The following IBTK variants were observed in gnomAD, a reference collection of about 807,000 sequenced individuals.
The protein encoded by IBTK is inhibitor of Bruton tyrosine kinase.
Under a neutral mutation model 154.9 loss-of-function variants are expected in IBTK, and 83 were observed. The ratio of observed to expected loss-of-function variants is 0.54; its 90% CI spans 0.45 to 0.64. IBTK has a LOEUF of 0.64. Ranked by LOEUF, IBTK falls within the 30% of genes least tolerant of loss-of-function variation. The probability of loss-of-function intolerance (pLI) is 0.00; values close to 1 mark genes in which losing one functional copy is unlikely to be tolerated. For synonymous variants in IBTK, 515 were observed against 536.1 expected, an observed-to-expected ratio of 0.96 and a Z score of 0.54; for missense variants, 1,332 against 1,584.6, an observed-to-expected ratio of 0.84 and a Z score of 2.71.
chr6:82,183,855 T>A (rs545400200), intron 25 of IBTK, among the ~76,000 whole-genome samples: 148 of 152,326 alleles, frequency 9.7e-4, no homozygotes, highest in Non-Finnish European at 1.8e-3. Context: ...AACTGACTAA[T>A]GCCATTATCA....
chr6:82,223,609 C>A lies in IBTK; in HGVS notation c.955G>T (p.Asp319Tyr). Residue 319 changes from aspartate (D) to tyrosine (Y), a missense_variant, in exon 8 of 29, where the codon GAT becomes TAT. Asp to Tyr is a radical substitution (Grantham distance 160). Coordinates refer to ENST00000306270, the MANE Select transcript of IBTK (RefSeq NM_015525.4). ...LNGGQLGCLL[D>Y]PNGEKCVTAP... ...GTTACACACTTTTCTCCATTGGGAT[C>A]TAGCAAACAACCTAAAAAATGATAC... 1.2e-6 allele frequency: 2 copies of A among 1,611,772 alleles called. No homozygotes were observed. Among genetic ancestry groups the A allele is most frequent in the Non-Finnish European group, 1.7e-6 (2 of 1,178,966 alleles).
chr6:82,211,320 TA>T, intron 15 of IBTK, 46 bp downstream of exon 15: 1 of 1,469,296 alleles, frequency 6.8e-7, no homozygotes, highest in Non-Finnish European at 9.3e-7. Flanking sequence ...GCACAAAATA[TA>T]AAGAAACATA....
chr6:82,209,569 G>T (rs1228231084), intron 16 of IBTK, among the ~76,000 whole-genome samples: 1 of 152,194 alleles, frequency 6.6e-6, no homozygotes, highest in Non-Finnish European at 1.5e-5. Context: ...GGATAAGAGA[G>T]AGTGGGAAGT....
intron 12 of IBTK, among the ~76,000 whole-genome samples, chr6:82,213,318 C>T (rs6906053): frequency 0.24 from 36,259 of 152,046 alleles, 4,382 homozygotes; most frequent in African/African-American, 0.28. Context: ...CGTGAGCCAC[C>T]GCGCCCGGCC....
In IBTK at chr6:82,182,004, T is replaced by C; in HGVS notation, c.3600A>G (p.Ser1200=). The change falls in exon 26 of 29, where the codon TCA becomes TCG. Residue 1200 remains serine (S), a synonymous_variant. Coordinates refer to ENST00000306270, the MANE Select transcript of IBTK (RefSeq NM_015525.4). ...GTAAGAAATCCCGGAATGACTTGGA[T>C]GAAACTGAATGCAGAGAAGATGCCC... The part of the protein sequence containing the change: ...NAWASSLHSV[S]SKSFRDFLLE... 6.2e-7 allele frequency: 1 copy of C among 1,603,258 alleles called. No individual in the cohort carries two copies. The highest frequency in any genetic ancestry group is 8.5e-7 in the Non-Finnish European group (1 of 1,178,028).
intron 17 of IBTK, 99 bp from the exon 18 acceptor site, chr6:82,202,744 G>A: frequency 1.5e-5 from 10 of 647,386 alleles, no homozygotes; most frequent in South Asian, 5.5e-5. Flanking sequence ...TTGAACATTT[G>A]GAATAAAGAA....
chr6:82,216,349 G>T, intron 10 of IBTK, 99 bp from the exon 11 acceptor site: 4 of 766,942 alleles, frequency 5.2e-6, no homozygotes, highest in Non-Finnish European at 8.2e-6. Flanking sequence ...GAAAAATATG[G>T]AAATCTTTTT....
chr6:82,186,711 A>G (rs1768570431), intron 25 of IBTK, among the ~76,000 whole-genome samples: 1 of 152,096 alleles, frequency 6.6e-6, no homozygotes, highest in Non-Finnish European at 1.5e-5. Context: ...ATAATTCAGA[A>G]TATCTATAAT....
Position 82,225,466 on chromosome 6 carries a change from G to A in IBTK, c.825+11C>T, listed in dbSNP as rs374658031. 8 of 1,603,546 alleles carry A rather than the reference G, an allele frequency of 5.0e-6. No individual in the cohort carries two copies. The South Asian group carries it at 6.8e-5, about 14-fold the overall frequency. On this transcript the variant is annotated intron_variant, in intron 6 of 28. Transcript: ENST00000306270. The stretch of plus-strand genomic sequence containing the variant: ...ATGTAAAACCTTATTATTTAAAAGA[G>A]TAAAGCTTACCTGTCTGGGTACATT...
At chr6:82,211,700 C>T (rs147740259) in intron 13 of IBTK, 128 bp from the exon 14 acceptor site, 13,623 of 693,842 alleles carry the variant, frequency 0.02, 161 homozygotes, top group Non-Finnish European at 0.025. Flanking sequence ...TGCAGGAATA[C>T]ATACAATAAA....
chr6:82,212,188 G>T (rs2127813787), intron 13 of IBTK, among the ~76,000 whole-genome samples: 1 of 152,122 alleles, frequency 6.6e-6, no homozygotes, highest in South Asian at 2.1e-4. Flanking sequence ...GTAGAGACAG[G>T]ATTTCACCAT....
intron 27 of IBTK, 92 bp from the exon 28 acceptor site, chr6:82,172,604 C>T: frequency 8.5e-7 from 1 of 1,171,896 alleles, no homozygotes; most frequent in Non-Finnish European, 1.2e-6. Context: ...TGCTACAATT[C>T]TTTCCAGTGA....
At chr6:82,195,471 T>C (rs1178706682) in intron 22 of IBTK, among the ~76,000 whole-genome samples, 3 of 151,782 alleles carry the variant, frequency 2.0e-5, no homozygotes, top group Admixed American at 6.6e-5. Flanking sequence ...CCAGTTACTC[T>C]GCCGGCTTAG....
rs1332167009 is a variant in IBTK, at chr6:82,210,915, A to C, written c.2413-5T>G. On this transcript the variant is annotated splice_region_variant and splice_polypyrimidine_tract_variant and intron_variant, in intron 15 of 28. Coordinates refer to ENST00000306270, the MANE Select transcript of IBTK (RefSeq NM_015525.4). ...CAGAGCTGCACAACTGGAAGCCTAA[A>C]TAAAATAAGACAAAATAAAGTAAAA... is the stretch of plus-strand genomic sequence containing the variant. 6 of 1,480,994 alleles carry C rather than the reference A, an allele frequency of 4.1e-6. No individual in the cohort carries two copies. Among genetic ancestry groups the C allele is most frequent in the Non-Finnish European group, 5.5e-6 (6 of 1,090,960 alleles). 91.7% of individuals were successfully genotyped at this position (1,480,994 alleles called of 1,614,324 possible). A position where few individuals can be genotyped will look rare whatever the true frequency, so the allele number is the denominator to read the frequency against.
At chr6:82,224,217 T>C in intron 6 of IBTK, 32 bp from the exon 7 acceptor site, 1 of 1,426,898 alleles carries the variant, frequency 7.0e-7, no homozygotes, top group Non-Finnish European at 9.9e-7. Context: ...TGCAATTTAC[T>C]ATATATTTAT....
chr6:82,169,999 G>T lies in IBTK; in HGVS notation c.*1426C>A, dbSNP rs79075925. On this transcript the variant is annotated 3_prime_UTR_variant, in exon 29 of 29. Coordinates refer to ENST00000306270, the MANE Select transcript of IBTK (RefSeq NM_015525.4). Reference sequence around the variant, plus strand: ...CAAATGAAATCAATTACTTCAAAAGGCTTCTTTACTGCAACATCAATAGAA... The same window carrying T: ...CAAATGAAATCAATTACTTCAAAAGTCTTCTTTACTGCAACATCAATAGAA... The T allele has an allele frequency of 4.6e-5, 7 of 152,006 alleles. No homozygotes were observed. The highest frequency in any genetic ancestry group is 3.9e-4 in the East Asian group (2 of 5,190). 9.4% of individuals were successfully genotyped at this position (152,006 alleles called of 1,614,324 possible).
intron 4 of IBTK, among the ~76,000 whole-genome samples, chr6:82,229,431 G>A (rs538931009): frequency 2.1e-4 from 32 of 151,964 alleles, no homozygotes; most frequent in Non-Finnish European, 3.5e-4. Context: ...TCCCTGCTCC[G>A]TAACAGCTCA....
At chr6:82,225,932 G>A (rs1416029249) in intron 5 of IBTK, among the ~76,000 whole-genome samples, 1 of 151,714 alleles carries the variant, frequency 6.6e-6, no homozygotes, top group Non-Finnish European at 1.5e-5. Flanking sequence ...TGTTTGGTAT[G>A]AATAAAGGGA....
Position 82,200,572 on chromosome 6 carries a change from AAG to A in IBTK, c.2912+13_2912+14del. Reference sequence around the variant, plus strand: ...GAAAAGGAGGAAAAGAAAAAAAAAAAAGAAAACAGCTTACGAATGATTTTGTT... The same window carrying A: ...GAAAAGGAGGAAAAGAAAAAAAAAAAAAAACAGCTTACGAATGATTTTGTT... On this transcript the variant is annotated intron_variant, in intron 20 of 28. Transcript: ENST00000306270. 6.6e-7 allele frequency: 1 copy of A among 1,518,056 alleles called. No homozygotes were observed. Among genetic ancestry groups the A allele is most frequent in the Non-Finnish European group, 8.8e-7 (1 of 1,136,802 alleles). 94.0% of individuals were successfully genotyped at this position (1,518,056 alleles called of 1,614,324 possible). A position where few individuals can be genotyped will look rare whatever the true frequency, so the allele number is the denominator to read the frequency against.
Sources: gnomAD v4.1 joint callset for allele counts (sites outside exome capture counted in the v4.1 genomes callset) on GRCh38, gnomAD v4.1.1 for gene constraint, MANE v1.5 for transcripts, NCBI Gene and HGNC (gene_info 2026-07-23, HGNC 2026-07-21) for gene names.